The following SMC1A variants were observed in gnomAD, a reference collection of about 807,000 sequenced individuals.
The protein encoded by SMC1A is structural maintenance of chromosomes 1A.
In SMC1A, 4 loss-of-function variants were observed where a neutral mutation model predicts 94.5. The ratio of observed to expected loss-of-function variants is 0.04; its 90% CI spans 0.02 to 0.10. SMC1A has a LOEUF of 0.10. Among genes scored for constraint, SMC1A ranks in the 10% least tolerant of loss-of-function variants. The probability of loss-of-function intolerance (pLI) is 1.00; values close to 1 mark genes in which losing one functional copy is unlikely to be tolerated. For missense variants in SMC1A, 304 were observed against 989.0 expected, an observed-to-expected ratio of 0.31 and a Z score of 9.29; for synonymous variants, 345 against 347.7, an observed-to-expected ratio of 0.99 and a Z score of 0.09.
chrX:53,408,840 T>TAA (rs1295569888), intron 9 of SMC1A, among the ~76,000 whole-genome samples: 8 of 67,050 alleles, frequency 1.2e-4, no homozygotes, highest in Non-Finnish European at 1.7e-4. Flanking sequence ...GGTTGAAAAA[T>TAA]AAAAAAAAAA....
At chrX:53,380,500 C>T (rs2075578221) in intron 24 of SMC1A, 120 bp downstream of exon 24, 1 of 533,525 alleles carries the variant, frequency 1.9e-6, no homozygotes, top group Non-Finnish European at 3.2e-6. Flanking sequence ...CCCAAATGGC[C>T]ATTCAGGACC....
chrX:53,413,963 G>A (rs1652747711), intron 3 of SMC1A, among the ~76,000 whole-genome samples: 1 of 108,230 alleles, frequency 9.2e-6, no homozygotes, highest in Non-Finnish European at 1.9e-5. Flanking sequence ...TGTAGTCCCA[G>A]CTACTTGGGA....
chrX:53,388,199 C>G (rs1281003791), intron 19 of SMC1A, among the ~76,000 whole-genome samples: 1 of 111,274 alleles, frequency 9.0e-6, no homozygotes, highest in Non-Finnish European at 1.9e-5. Context: ...TGTGAAGGAG[C>G]CGTAGCCACA....
chrX:53,413,484 T>C, intron 3 of SMC1A, 49 bp from the exon 4 acceptor site: 1 of 1,105,150 alleles, frequency 9.0e-7, no homozygotes, highest in South Asian at 1.9e-5. Context: ...GCCAACCCAG[T>C]TCACCTTACC....
chrX:53,407,057 G>A (rs1392471787), intron 9 of SMC1A, among the ~76,000 whole-genome samples: 1 of 112,048 alleles, frequency 8.9e-6, no homozygotes, highest in African/African-American at 3.2e-5. Flanking sequence ...AGATCAAAGT[G>A]GACTGTGGTT....
At chrX:53,408,801 T>C (rs782504105) in intron 9 of SMC1A, among the ~76,000 whole-genome samples, 11 of 88,241 alleles carry the variant, frequency 1.2e-4, no homozygotes, top group African/African-American at 4.0e-4. Flanking sequence ...ATTGGTATGA[T>C]GAAAAGAACA....
At chrX:53,417,551 CAA>C (rs1318273895) in intron 1 of SMC1A, among the ~76,000 whole-genome samples, 2 of 24,393 alleles carry the variant, frequency 8.2e-5, no homozygotes, top group Non-Finnish European at 1.6e-4. Context: ...AACTCCATCT[CAA>C]AAAAAAAAAA....
At chrX:53,393,460 T>C (rs1387096598) in intron 19 of SMC1A, among the ~76,000 whole-genome samples, 1 of 111,932 alleles carries the variant, frequency 8.9e-6, no homozygotes, top group Non-Finnish European at 1.9e-5. Context: ...ATTATGGGAC[T>C]TTCATGGAAA....
At position 53,383,261 on chromosome X, in the gene SMC1A, C is replaced by A. The variant is rs1309978146; in HGVS notation, c.2974-8G>T. On this transcript the variant is annotated splice_polypyrimidine_tract_variant and splice_region_variant and intron_variant, in intron 19 of 24. Transcript: ENST00000322213. ...TTCCTCAGCCTGGGCATCCTGTAAGCCCCAGGCCCAGCAATGTCAAGAAGG... is the reference window on the plus strand; with the variant it reads ...TTCCTCAGCCTGGGCATCCTGTAAGACCCAGGCCCAGCAATGTCAAGAAGG... The A allele has an allele frequency of 2.6e-6, 3 of 1,164,450 alleles. No individual in the cohort carries two copies. The highest frequency in any genetic ancestry group is 1.9e-5 in the South Asian group (1 of 52,611).
At chrX:53,419,991 T>C (rs1332805784) in intron 1 of SMC1A, among the ~76,000 whole-genome samples, 1 of 110,435 alleles carries the variant, frequency 9.1e-6, no homozygotes, top group African/African-American at 3.3e-5. Flanking sequence ...GTTCTAATCT[T>C]ACTTTCACTA....
intron 19 of SMC1A, 62 bp from the exon 20 acceptor site, chrX:53,383,315 G>A (rs782412979): frequency 3.7e-6 from 4 of 1,087,645 alleles, no homozygotes; most frequent in South Asian, 2.0e-5. Context: ...GGCCCCCACC[G>A]AAAGATGACT....
rs2075575485 is a variant in SMC1A, at chrX:53,379,919, C to T, written c.*184G>A. 3 of 462,215 alleles carry T rather than the reference C, an allele frequency of 6.5e-6. No individual in the cohort carries two copies. The highest frequency in any genetic ancestry group is 1.2e-5 in the Non-Finnish European group (3 of 259,630). The allele number at this position is 462,215 out of a possible 1,213,427, so 38.1% of individuals were successfully genotyped here. ...AGAGGCCAGAATACTCCCTGTCGTT[C>T]AGGAATTTTTGCTCCAGACCTAACA... On this transcript the variant is annotated 3_prime_UTR_variant, in exon 25 of 25. Coordinates refer to ENST00000322213, the MANE Select transcript of SMC1A (RefSeq NM_006306.4).
intron 19 of SMC1A, among the ~76,000 whole-genome samples, chrX:53,383,544 C>A (rs1001178868): frequency 8.9e-6 from 1 of 112,384 alleles, no homozygotes; most frequent in Non-Finnish European, 1.9e-5. Flanking sequence ...GCTGGTGGTG[C>A]CCCTCTCTGG....
At chrX:53,415,511 A>G (rs1202131595) in intron 1 of SMC1A, among the ~76,000 whole-genome samples, 2 of 110,405 alleles carry the variant, frequency 1.8e-5, no homozygotes, top group Non-Finnish European at 3.8e-5. Context: ...AACAAGGCAA[A>G]ACCCAGTCTC....
At position 53,404,742 on chromosome X, in the gene SMC1A, G is replaced by A. The variant is rs782210467; in HGVS notation, c.2196+270C>T. On this transcript the variant is annotated intron_variant, in intron 13 of 24. Coordinates refer to ENST00000322213, the MANE Select transcript of SMC1A (RefSeq NM_006306.4). ...TCAGGTGATCCACAGGTGATCCACC[G>A]TGCCCGGCCGAGTAGGTATCATCTT... Among the ~76,000 whole-genome samples, 7 of 111,445 alleles carry A rather than the reference G, an allele frequency of 6.3e-5. No individual in the cohort carries two copies. The East Asian group carries it at 1.4e-3, about 22-fold the overall frequency.
At chrX:53,422,114 G>C in intron 1 of SMC1A, 1 of 1,086,705 alleles carries the variant, frequency 9.2e-7, no homozygotes, top group Non-Finnish European at 1.2e-6. Context: ...CTCCGGAGGG[G>C]GTCAAGTAAG....
intron 22 of SMC1A, 66 bp downstream of exon 22, chrX:53,382,166 G>A: frequency 8.8e-7 from 1 of 1,138,801 alleles, no homozygotes; most frequent in Non-Finnish European, 1.2e-6. Flanking sequence ...TGTATCCTTG[G>A]GCCCCAGAGC....
intron 19 of SMC1A, among the ~76,000 whole-genome samples, chrX:53,384,264 C>CA (rs2075596075): frequency 1.0e-5 from 1 of 95,826 alleles, no homozygotes; most frequent in Non-Finnish European, 2.1e-5. Flanking sequence ...CCTTTTTAGA[C>CA]TTTTTTTTTT....
At chrX:53,422,114 G>A (rs1228225342) in intron 1 of SMC1A, 6 of 1,085,255 alleles carry the variant, frequency 5.5e-6, no homozygotes, top group African/African-American at 3.7e-5. Context: ...CTCCGGAGGG[G>A]GTCAAGTAAG....
Sources: gnomAD v4.1 joint callset for allele counts (sites outside exome capture counted in the v4.1 genomes callset) on GRCh38, gnomAD v4.1.1 for gene constraint, MANE v1.5 for transcripts, NCBI Gene and HGNC (gene_info 2026-07-23, HGNC 2026-07-21) for gene names.